Variants in MYH15 observed in about 807,000 individuals in gnomAD.
The protein encoded by MYH15 is myosin heavy chain 15, also known as myosin-15.
In MYH15, 227 loss-of-function variants were observed where a neutral mutation model predicts 240.5. That is an observed-to-expected ratio of 0.94 (90% CI 0.85 to 1.05). The LOEUF is 1.05. Among genes scored for constraint, MYH15 ranks in the 50% least tolerant of loss-of-function variants. The probability of loss-of-function intolerance (pLI) is 0.00; values close to 1 mark genes in which losing one functional copy is unlikely to be tolerated. For synonymous variants in MYH15, 785 were observed against 796.7 expected, an observed-to-expected ratio of 0.99 and a Z score of 0.25; for missense variants, 2,217 against 2,247.5, an observed-to-expected ratio of 0.99 and a Z score of 0.27.
At chr3:108,479,595 TG>T (rs141554267) in intron 11 of MYH15, among the ~76,000 whole-genome samples, 6,170 of 152,264 alleles carry the variant, frequency 0.041, 403 homozygotes, top group African/African-American at 0.14. Context: ...TTGTCTGGCT[TG>T]GGTAAGGCCT....
At chr3:108,482,750 G>A (rs2083276699) in intron 11 of MYH15, among the ~76,000 whole-genome samples, 1 of 151,852 alleles carries the variant, frequency 6.6e-6, no homozygotes, top group African/African-American at 2.4e-5. Context: ...TTTTAACTCT[G>A]CTTTACTTCC....
At chr3:108,542,556 G>A in the MYH15 span, among the ~76,000 whole-genome samples, 2 of 151,996 alleles carry the variant, frequency 1.3e-5, no homozygotes, top group African/African-American at 4.8e-5. Flanking sequence ...TTTTAGCATT[G>A]AATATTCTTT....
chr3:108,398,523 G>T, intron 35 of MYH15, 114 bp downstream of exon 35: 1 of 978,838 alleles, frequency 1.0e-6, no homozygotes, highest in Non-Finnish European at 1.6e-6. Flanking sequence ...TTGCTTCACA[G>T]GCACATCCAA....
chr3:108,424,948 A>G (rs1331301352), intron 27 of MYH15, among the ~76,000 whole-genome samples: 1 of 152,222 alleles, frequency 6.6e-6, no homozygotes, highest in African/African-American at 2.4e-5. Context: ...AGGTATACGT[A>G]AAAGTTGATG....
At chr3:108,497,318 A>G (rs1389481067) in intron 6 of MYH15, among the ~76,000 whole-genome samples, 1 of 152,114 alleles carries the variant, frequency 6.6e-6, no homozygotes, top group African/African-American at 2.4e-5. Context: ...AAAACAGCAA[A>G]CATCCAGTAT....
intron 38 of MYH15, among the ~76,000 whole-genome samples, chr3:108,385,349 A>G (rs1477222553): frequency 6.6e-6 from 1 of 152,240 alleles, no homozygotes; most frequent in Admixed American, 6.5e-5. Flanking sequence ...TATAGAAAAG[A>G]TAAATTTTCT....
At chr3:108,427,731 C>A (rs1420998013) in intron 27 of MYH15, among the ~76,000 whole-genome samples, 1 of 151,770 alleles carries the variant, frequency 6.6e-6, no homozygotes, top group African/African-American at 2.4e-5. Flanking sequence ...ATTTCAGAAA[C>A]CACTCCATAT....
intron 12 of MYH15, among the ~76,000 whole-genome samples, chr3:108,471,795 A>G: frequency 6.6e-6 from 1 of 152,124 alleles, no homozygotes; most frequent in African/African-American, 2.4e-5. Context: ...CTTCCTTACC[A>G]TCTTAATAAG....
At position 108,455,778 on chromosome 3, in the gene MYH15, G is replaced by A. The variant is rs2083014182; in HGVS notation, c.2220C>T (p.Ser740=). The change falls in exon 20 of 41, where the codon TCC becomes TCT. Residue 740 remains serine, a synonymous_variant. Transcript: ENST00000693548. ...GGTACTGGGTATGGTCTATCTCCAA[G>A]GAGCCAAGTAATTCTTCAGCTGCTT... ...SRKAAEELLG[S]LEIDHTQYRF... 1.9e-6 allele frequency: 3 copies of A among 1,613,690 alleles called. No individual in the cohort carries two copies. The highest frequency in any genetic ancestry group is 1.3e-5 in the African/African-American group (1 of 74,904).
At position 108,430,312 on chromosome 3, in the gene MYH15, T is replaced by C. The variant is rs548448240; in HGVS notation, c.3312+520A>G. Among the ~76,000 whole-genome samples the C allele has an allele frequency of 2.0e-3, 304 of 152,354 alleles. 2 individuals are homozygous for C. Among genetic ancestry groups the C allele is most frequent in the Non-Finnish European group, 3.7e-3 (252 of 68,034 alleles). The stretch of plus-strand genomic sequence containing the variant: ...GTAAAATTACTTTACAACATGGTCA[T>C]ATGCTATAAAACTCACATGGTCTAA... On this transcript the variant is annotated intron_variant, in intron 26 of 40. Transcript: ENST00000693548.
intron 38 of MYH15, 47 bp from the exon 39 acceptor site, chr3:108,384,829 A>C (rs1217977196): frequency 6.5e-7 from 1 of 1,529,018 alleles, no homozygotes; most frequent in Non-Finnish European, 9.0e-7. Flanking sequence ...AGGATCCAGC[A>C]GTCTACGTTG....
At chr3:108,540,399 G>A in the MYH15 span, among the ~76,000 whole-genome samples, 1 of 152,168 alleles carries the variant, frequency 6.6e-6, no homozygotes, top group Non-Finnish European at 1.5e-5. Context: ...CTGGGAGGAA[G>A]GAAAGTATGG....
intron 6 of MYH15, among the ~76,000 whole-genome samples, chr3:108,497,287 T>G (rs1283067527): frequency 6.6e-6 from 1 of 151,452 alleles, no homozygotes; most frequent in Non-Finnish European, 1.5e-5. Context: ...ATGGCTATTT[T>G]AATATATTTC....
chr3:108,540,699 T>C, the MYH15 span, among the ~76,000 whole-genome samples: 1 of 152,320 alleles, frequency 6.6e-6, no homozygotes, highest in South Asian at 2.1e-4. Context: ...AAGTGAGCAT[T>C]GTGCTTAATG....
chr3:108,482,799 G>A (rs2083277096), intron 11 of MYH15, among the ~76,000 whole-genome samples: 1 of 151,916 alleles, frequency 6.6e-6, no homozygotes, highest in South Asian at 2.1e-4. Flanking sequence ...TGTATTTATT[G>A]TCTAACTCCC....
intron 3 of MYH15, 45 bp downstream of exon 3, chr3:108,501,667 T>C (rs1336064767): frequency 1.7e-5 from 27 of 1,610,374 alleles, no homozygotes; most frequent in Non-Finnish European, 2.3e-5. Flanking sequence ...GGACATGCAA[T>C]GTGACTGCCA....
Position 108,485,192 on chromosome 3 carries a change from T to C in MYH15, c.1013A>G (p.Lys338Arg), listed in dbSNP as rs2083295667. Residue 338 changes from lysine (K) to arginine (R), a missense_variant, in exon 11 of 41, where the codon AAG (lysine) becomes AGG (arginine). By Grantham distance (26) the Lys-to-Arg change is conservative. Transcript: ENST00000693548. ...TCCAGTGAGTTTATAGCATCCATACTTCTCATCAGGAAGAAAGCCCAAGAT... is the reference window on the plus strand; with the variant it reads ...TCCAGTGAGTTTATAGCATCCATACCTCTCATCAGGAAGAAAGCCCAAGAT... Reference protein sequence around the residue: ...MDILGFLPDEKYGCYKLTGAI... With the variant: ...MDILGFLPDERYGCYKLTGAI... The C allele has an allele frequency of 6.2e-7, 1 of 1,614,116 alleles. No homozygotes were observed. Among genetic ancestry groups the C allele is most frequent in the African/African-American group, 1.3e-5 (1 of 75,046 alleles).
chr3:108,469,477 C>T (rs758307573), intron 14 of MYH15, among the ~76,000 whole-genome samples: 3 of 152,152 alleles, frequency 2.0e-5, no homozygotes, highest in Non-Finnish European at 2.9e-5. Flanking sequence ...TGGGACATCA[C>T]CAAATTCAGA....
rs1316047832 is a variant in MYH15 at position 108,485,138 on chromosome 3, AATTTCAT to A, written c.1060_1066del (p.Met354LeufsTer33). 1 of 1,613,928 alleles carries A rather than the reference AATTTCAT, an allele frequency of 6.2e-7. No homozygotes were observed. On this transcript the variant is annotated frameshift_variant, in exon 11 of 41. Coordinates refer to ENST00000693548, the MANE Select transcript of MYH15 (RefSeq NM_014981.3). LOFTEE classifies it high-confidence loss of function. ...TTGCTCTTCTCTAGGTTTCTGTTTA[AATTTCAT>A]ATTTCCAAAGTGCATGATGGCTCCA...
Sources: gnomAD v4.1 joint callset for allele counts (sites outside exome capture counted in the v4.1 genomes callset) on GRCh38, gnomAD v4.1.1 for gene constraint, MANE v1.5 for transcripts, NCBI Gene and HGNC (gene_info 2026-07-23, HGNC 2026-07-21) for gene names.